Variants in AK7 observed in about 807,000 individuals in gnomAD.
AK7 encodes adenylate kinase 7.
AK7 carries 78 observed loss-of-function variants against 96.6 expected under a neutral mutation model. The observed-to-expected ratio is 0.81, with a 90% CI of 0.67 to 0.97. AK7 has a LOEUF of 0.97. Among genes scored for constraint, AK7 ranks in the 50% least tolerant of loss-of-function variants. The pLI is 0.00. For synonymous variants in AK7, 302 were observed against 317.2 expected (o/e 0.95, Z 0.51); for missense variants, 855 against 887.9 (o/e 0.96, Z 0.47).
intron 16 of AK7, 147 bp downstream of exon 16, chr14:96,483,366 T>C (rs17191401): frequency 2.5e-6 from 2 of 803,088 alleles, no homozygotes; most frequent in Non-Finnish European, 3.9e-6. Context: ...TTGCTTTTTG[T>C]CATTTGTACC....
At chr14:96,405,522 A>G (rs1890660935) in intron 3 of AK7, among the ~76,000 whole-genome samples, 2 of 152,156 alleles carry the variant, frequency 1.3e-5, no homozygotes, top group South Asian at 4.1e-4. Flanking sequence ...GACTCATTCC[A>G]TAGGCGCTGC....
chr14:96,398,342 A>G (rs995807185), intron 2 of AK7, 79 bp downstream of exon 2: 1 of 1,480,456 alleles, frequency 6.8e-7, no homozygotes, highest in Non-Finnish European at 9.3e-7. Context: ...AACTTGTTTT[A>G]CTGTTTGCCT....
chr14:96,437,971 G>A (rs900477378), intron 6 of AK7, 56 bp downstream of exon 6: 67 of 1,509,358 alleles, frequency 4.4e-5, no homozygotes, highest in South Asian at 5.8e-5. Flanking sequence ...ATACAGATAC[G>A]CAATTTGAAG....
At chr14:96,404,956 G>C in intron 3 of AK7, 91 bp downstream of exon 3, 1 of 827,440 alleles carries the variant, frequency 1.2e-6, no homozygotes, top group Non-Finnish European at 1.8e-6. Context: ...AGACAAAGTA[G>C]GGCTATAGAA....
chr14:96,428,010 A>G (rs1337258773), intron 5 of AK7, among the ~76,000 whole-genome samples: 1 of 152,100 alleles, frequency 6.6e-6, no homozygotes, highest in East Asian at 1.9e-4. Flanking sequence ...CATGTGCACA[A>G]TGGGCAGGTT....
intron 4 of AK7, among the ~76,000 whole-genome samples, 166 bp from the exon 5 acceptor site, chr14:96,420,656 C>G (rs1399742825): frequency 6.6e-6 from 1 of 151,970 alleles, no homozygotes; most frequent in Non-Finnish European, 1.5e-5. Context: ...CCCAAGAGTT[C>G]AAGACCAGCC....
At chr14:96,445,999 G>A (rs1893211007) in intron 7 of AK7, among the ~76,000 whole-genome samples, 1 of 152,204 alleles carries the variant, frequency 6.6e-6, no homozygotes, top group African/African-American at 2.4e-5. Flanking sequence ...GCAAGCGCTC[G>A]GAAACCTTGG....
At chr14:96,420,673 A>G (rs1313895752) in intron 4 of AK7, 149 bp from the exon 5 acceptor site, 11 of 563,422 alleles carry the variant, frequency 2.0e-5, no homozygotes, top group Non-Finnish European at 2.1e-5. Context: ...AGCCTGGGCA[A>G]CACAGCGAGA....
chr14:96,466,821 A>C (rs988205535), intron 12 of AK7, among the ~76,000 whole-genome samples: 2 of 152,208 alleles, frequency 1.3e-5, no homozygotes, highest in African/African-American at 4.8e-5. Context: ...TAGAAACTCC[A>C]TACCATTAAC....
chr14:96,409,940 G>A (rs1285473006), intron 4 of AK7, among the ~76,000 whole-genome samples: 1 of 152,216 alleles, frequency 6.6e-6, no homozygotes, highest in Non-Finnish European at 1.5e-5. Context: ...GTGTGTTCAA[G>A]GTCACTGAGT....
At chr14:96,463,358 C>T (rs931035519) in intron 12 of AK7, among the ~76,000 whole-genome samples, 1 of 152,068 alleles carries the variant, frequency 6.6e-6, no homozygotes, top group Non-Finnish European at 1.5e-5. Context: ...TTGCTTAGTT[C>T]CTGACTTCAG....
chr14:96,442,862 T>G, intron 7 of AK7, 44 bp downstream of exon 7: 1 of 1,536,374 alleles, frequency 6.5e-7, no homozygotes, highest in Non-Finnish European at 9.0e-7. Context: ...AATTGGTTAA[T>G]GTGTTTGTTT....
rs1890287053 is a variant in AK7 at position 96,399,600 on chromosome 14, C to A, written c.294+1337C>A. Among the ~76,000 whole-genome samples, 1 of 152,200 alleles carries A rather than the reference C, an allele frequency of 6.6e-6. No homozygotes were observed. The highest frequency in any genetic ancestry group is 2.4e-5 in the African/African-American group (1 of 41,442). On this transcript the variant is annotated intron_variant, in intron 2 of 17. Coordinates refer to ENST00000267584, the MANE Select transcript of AK7 (RefSeq NM_152327.5). The surrounding 1 kb of genome is among the most constrained non-coding windows in gnomAD (Gnocchi z 4.1). ...TCTATCCAATGCTGGCTGGCCCTGCCCACAACACTTCACAGGAGGTGCCCT... is the reference window on the plus strand; with the variant it reads ...TCTATCCAATGCTGGCTGGCCCTGCACACAACACTTCACAGGAGGTGCCCT...
At chr14:96,434,335 A>G (rs1053914223) in intron 5 of AK7, among the ~76,000 whole-genome samples, 1 of 152,228 alleles carries the variant, frequency 6.6e-6, no homozygotes, top group Non-Finnish European at 1.5e-5. Flanking sequence ...GTCTTAGACT[A>G]AATCTGGAAG....
rs113890354 is a variant in AK7 at position 96,442,967 on chromosome 14, G to A, written c.779+149G>A. 247 of 686,106 alleles carry A rather than the reference G, an allele frequency of 3.6e-4. 1 individual carries two copies. Among genetic ancestry groups the A allele is most frequent in the African/African-American group, 3.1e-3 (172 of 55,848 alleles). The allele number at this position is 686,106 out of a possible 1,614,324, so 42.5% of individuals were successfully genotyped here. A position where few individuals can be genotyped will look rare whatever the true frequency, so the allele number is the denominator to read the frequency against. ...GTAACAACCCTATGCAGAAGGTACC[G>A]TCTTCTCCATTTTGCATCTAATGAA... On this transcript the variant is annotated intron_variant, in intron 7 of 17. Transcript: ENST00000267584.
chr14:96,488,346 CT>C lies in AK7; in HGVS notation c.*5del. ...AGAACAATCCTGAAGCACAGTGAAA[CT>C]TGAAAGATCTGGTATTATCTACCTT... On this transcript the variant is annotated 3_prime_UTR_variant, in exon 18 of 18. Transcript: ENST00000267584. 1 of 1,610,674 alleles carries C rather than the reference CT, an allele frequency of 6.2e-7. No homozygotes were observed. The highest frequency in any genetic ancestry group is 8.5e-7 in the Non-Finnish European group (1 of 1,177,378).
At chr14:96,469,506 C>T (rs1332874352) in intron 12 of AK7, among the ~76,000 whole-genome samples, 3 of 35,296 alleles carry the variant, frequency 8.5e-5, no homozygotes, top group Non-Finnish European at 1.4e-4. Context: ...GCCTGGGTAA[C>T]GGATGAGACT....
At chr14:96,421,799 G>T (rs28403222) in intron 5 of AK7, among the ~76,000 whole-genome samples, 10,633 of 151,978 alleles carry the variant, frequency 0.07, 1,290 homozygotes, top group African/African-American at 0.24. Flanking sequence ...TAGAGTCAGA[G>T]TTCCACCATG....
At position 96,488,234 on chromosome 14, in the gene AK7, A is replaced by T; in HGVS notation, c.2134-71A>T. On this transcript the variant is annotated intron_variant, in intron 17 of 17. Coordinates refer to ENST00000267584, the MANE Select transcript of AK7 (RefSeq NM_152327.5). ...GGCCCAGGATGATTTTTAAATTGTA[A>T]ACATTACTAATACAAATACATGACT... 2.1e-6 allele frequency: 3 copies of T among 1,434,734 alleles called. No homozygotes were observed. In the Admixed American group the frequency reaches 5.4e-5, roughly 26 times the overall value. The allele number at this position is 1,434,734 out of a possible 1,614,324, so 88.9% of individuals were successfully genotyped here.
Sources: allele counts gnomAD v4.1 joint callset (sites outside exome capture counted in the v4.1 genomes callset), GRCh38; gene constraint gnomAD v4.1.1; non-coding constraint Gnocchi (gnomAD v3.1); transcripts MANE v1.5; gene names NCBI Gene and HGNC (gene_info 2026-07-23, HGNC 2026-07-21).